Variants in PSMB7 observed in about 807,000 individuals in gnomAD.
PSMB7 encodes proteasome subunit beta type-7.
Under a neutral mutation model 28.1 loss-of-function variants are expected in PSMB7, and 5 were observed. The ratio of observed to expected loss-of-function variants is 0.18; its 90% confidence interval spans 0.09 to 0.37. The LOEUF (loss-of-function observed/expected upper bound fraction) is 0.37, where lower values mean the gene tolerates loss of function less well. PSMB7 is among the 10% of genes least tolerant of loss of function. PSMB7 has a pLI of 1.00. For missense variants in PSMB7, 275 were observed against 346.2 expected (o/e 0.79, Z 1.63); for synonymous variants, 122 against 123.7 (o/e 0.99, Z 0.09).
chr9:124,375,965 G>T (rs1830606178), intron 6 of PSMB7, among the ~76,000 whole-genome samples: 1 of 152,174 alleles, frequency 6.6e-6, no homozygotes, highest in African/African-American at 2.4e-5. Context: ...AGGGACAGAG[G>T]CATTTGGATC....
intron 6 of PSMB7, among the ~76,000 whole-genome samples, chr9:124,366,383 G>A (rs559126971): frequency 7.9e-5 from 12 of 152,346 alleles, no homozygotes; most frequent in African/African-American, 2.4e-4. Flanking sequence ...ACCTGGGCAA[G>A]ACTCTGTCTC....
At chr9:124,358,837 C>A (rs1588566310) in intron 6 of PSMB7, among the ~76,000 whole-genome samples, 1 of 152,254 alleles carries the variant, frequency 6.6e-6, no homozygotes, top group East Asian at 1.9e-4. Context: ...GCCAGCAGTA[C>A]CTGGCAGACA....
chr9:124,359,306 G>A (rs1258615680), intron 6 of PSMB7, among the ~76,000 whole-genome samples: 1 of 151,976 alleles, frequency 6.6e-6, no homozygotes, highest in East Asian at 1.9e-4. Flanking sequence ...ATATACACAT[G>A]GCTGAAGATG....
chr9:124,370,111 C>T (rs2131150138), intron 6 of PSMB7, among the ~76,000 whole-genome samples: 1 of 152,254 alleles, frequency 6.6e-6, no homozygotes, highest in Middle Eastern at 3.4e-3. Context: ...TTAATGGCAA[C>T]TCCAGTGGCA....
chr9:124,369,799 A>G (rs998984376), intron 6 of PSMB7, among the ~76,000 whole-genome samples: 5 of 151,890 alleles, frequency 3.3e-5, no homozygotes, highest in Admixed American at 3.3e-4. Flanking sequence ...AAGACCAAAA[A>G]CAATTCATGT....
intron 6 of PSMB7, among the ~76,000 whole-genome samples, chr9:124,382,457 C>T (rs1335392424): frequency 6.6e-6 from 1 of 151,974 alleles, no homozygotes; most frequent in East Asian, 1.9e-4. Flanking sequence ...ATCCACCCGC[C>T]TCAGCCTCCC....
At chr9:124,391,405 G>A (rs1472842872) in intron 5 of PSMB7, among the ~76,000 whole-genome samples, 3 of 152,160 alleles carry the variant, frequency 2.0e-5, no homozygotes, top group South Asian at 2.1e-4. Flanking sequence ...GGGAGATGGA[G>A]CTATCTTTTC....
chr9:124,411,125 G>A (rs149423194), intron 4 of PSMB7, among the ~76,000 whole-genome samples: 2 of 152,122 alleles, frequency 1.3e-5, no homozygotes, highest in African/African-American at 2.4e-5. Flanking sequence ...ACAGGCAAGC[G>A]CCACCATGCC....
Position 124,384,610 on chromosome 9 carries a change from C to A in PSMB7, c.558G>T (p.Arg186Ser), listed in dbSNP as rs375702037. The A allele has an allele frequency of 6.2e-7, 1 of 1,613,198 alleles. No homozygotes were observed. The highest frequency in any genetic ancestry group is 8.5e-7 in the Non-Finnish European group (1 of 1,179,648). ...AAMAVFEDKF[R>S]PDMEEEEAKN... ...GGGACTTACATACCTCCATGTCTGGCCTAAACTTATCTTCAAATACAGCCA... is the reference window on the plus strand; with the variant it reads ...GGGACTTACATACCTCCATGTCTGGACTAAACTTATCTTCAAATACAGCCA... The change falls in exon 6 of 8, where the codon AGG becomes AGT. Residue 186 changes from arginine to serine, a missense_variant. By Grantham distance (110) the Arg-to-Ser change is moderately radical. Around this residue, in one of 2 missense-constraint regions of PSMB7, gnomAD observed 213 missense variants for 302.4 expected, o/e 0.70. Coordinates refer to ENST00000259457, the MANE Select transcript of PSMB7 (RefSeq NM_002799.4).
chr9:124,415,123 T>C (rs1341225917), intron 1 of PSMB7, 188 bp from the exon 2 acceptor site: 1 of 627,068 alleles, frequency 1.6e-6, no homozygotes, highest in African/African-American at 1.8e-5. Flanking sequence ...AAAGGGGCCG[T>C]GACGTGCCTT....
intron 5 of PSMB7, among the ~76,000 whole-genome samples, chr9:124,394,008 G>A (rs542998628): frequency 1.0e-3 from 153 of 152,296 alleles, no homozygotes; most frequent in African/African-American, 3.6e-3. Context: ...CCGCAGGAAC[G>A]CAGGGCAGTG....
chr9:124,374,901 G>A (rs934202917), intron 6 of PSMB7, among the ~76,000 whole-genome samples: 7 of 152,176 alleles, frequency 4.6e-5, no homozygotes, highest in Admixed American at 2.0e-4. Context: ...CAGCACTTTA[G>A]GAGGCTGAGG....
At chr9:124,372,912 C>T (rs1374432120) in intron 6 of PSMB7, among the ~76,000 whole-genome samples, 1 of 152,216 alleles carries the variant, frequency 6.6e-6, no homozygotes, top group African/African-American at 2.4e-5. Context: ...CAAAGTCCTG[C>T]TCTTGAATCA....
intron 6 of PSMB7, among the ~76,000 whole-genome samples, chr9:124,380,028 A>G (rs1050443575): frequency 2.6e-5 from 4 of 152,218 alleles, no homozygotes; most frequent in African/African-American, 7.2e-5. Flanking sequence ...CTCTGAAAAC[A>G]GCCAGAAAAC....
At chr9:124,355,353 A>T (rs1312243708) in intron 7 of PSMB7, among the ~76,000 whole-genome samples, 1 of 152,172 alleles carries the variant, frequency 6.6e-6, no homozygotes, top group Non-Finnish European at 1.5e-5. Context: ...AGGAAGTAGG[A>T]TGTGCCACTG....
chr9:124,380,316 G>C (rs1830652139), intron 6 of PSMB7, among the ~76,000 whole-genome samples: 1 of 152,098 alleles, frequency 6.6e-6, no homozygotes, highest in African/African-American at 2.4e-5. Context: ...GGCCATGGTG[G>C]CTCATCTGAG....
chr9:124,359,502 T>G (rs1385711274), intron 6 of PSMB7, among the ~76,000 whole-genome samples: 2 of 152,206 alleles, frequency 1.3e-5, no homozygotes, highest in African/African-American at 2.4e-5. Context: ...TGGCTGACGG[T>G]CAATGACTTA....
chr9:124,381,217 T>C (rs1830661623), intron 6 of PSMB7, among the ~76,000 whole-genome samples: 1 of 152,174 alleles, frequency 6.6e-6, no homozygotes, highest in South Asian at 2.1e-4. Flanking sequence ...TTGTATTCCA[T>C]AAATACTATA....
At chr9:124,386,482 C>T (rs367884632) in intron 5 of PSMB7, among the ~76,000 whole-genome samples, 8 of 152,262 alleles carry the variant, frequency 5.3e-5, no homozygotes, top group African/African-American at 1.4e-4. Flanking sequence ...GTGTGGAAAG[C>T]GAAAGACAGC....
Sources: gnomAD v4.1 joint callset for allele counts (sites outside exome capture counted in the v4.1 genomes callset) on GRCh38, gnomAD v4.1.1 for gene constraint, gnomAD v4.1.1 regional missense constraint, MANE v1.5 for transcripts, NCBI Gene and HGNC (gene_info 2026-07-23, HGNC 2026-07-21) for gene names.